The following DTD2 variants were observed in gnomAD, a reference collection of about 807,000 sequenced individuals.
DTD2 encodes D-aminoacyl-tRNA deacylase 2, also known as D-tyrosyl-tRNA deacylase 2 (putative).
A neutral mutation model predicts 15.5 loss-of-function variants in DTD2; 12 were observed. That is an observed-to-expected ratio of 0.77 (90% CI 0.50 to 1.25). DTD2 has a LOEUF of 1.25. Ranked by LOEUF, DTD2 falls within the 50% of genes most tolerant of loss-of-function variation. DTD2 has a pLI of 0.00. For missense variants in DTD2, 170 were observed against 201.1 expected, an observed-to-expected ratio of 0.85 and a Z score of 0.93; for synonymous variants, 59 against 77.3, an observed-to-expected ratio of 0.76 and a Z score of 1.24.
At chr14:31,450,358 C>T (rs140212622) in intron 2 of DTD2, among the ~76,000 whole-genome samples, 2 of 152,320 alleles carry the variant, frequency 1.3e-5, no homozygotes, top group Non-Finnish European at 2.9e-5. Flanking sequence ...AATCAAGTAT[C>T]TCTAATGATG....
At chr14:31,455,720 T>G (rs57603909) in intron 1 of DTD2, among the ~76,000 whole-genome samples, 1 of 151,446 alleles carries the variant, frequency 6.6e-6, no homozygotes, top group East Asian at 2.0e-4. Context: ...TAGCTGGGAT[T>G]ACAGGTGCCC....
At chr14:31,448,487 G>T in intron 2 of DTD2, 33 bp from the exon 3 acceptor site, 1 of 1,533,290 alleles carries the variant, frequency 6.5e-7, no homozygotes, top group Non-Finnish European at 8.8e-7. Flanking sequence ...ACATTTTAAA[G>T]TGAAAAACAA....
chr14:31,454,233 T>A (rs539851847), intron 1 of DTD2, among the ~76,000 whole-genome samples: 7 of 152,284 alleles, frequency 4.6e-5, no homozygotes, highest in African/African-American at 1.7e-4. Flanking sequence ...TATGTAAAAA[T>A]AAATTTAAGG....
Position 31,457,266 on chromosome 14 carries a change from T to C in DTD2, c.111+17A>G, listed in dbSNP as rs28637251. ...CCGCACGCCGGAGGATAACGAGAGC[T>C]GCCGGGCTGACGTTACCTCCACCCA... is the stretch of plus-strand genomic sequence containing the variant. On this transcript the variant is annotated intron_variant, in intron 1 of 2. Coordinates refer to ENST00000310850, the MANE Select transcript of DTD2 (RefSeq NM_080664.3). The C allele has an allele frequency of 1.9e-6, 3 of 1,550,212 alleles. No individual in the cohort carries two copies. The highest frequency in any genetic ancestry group is 2.4e-5 in the South Asian group (2 of 83,620).
rs2139362920 is a variant in DTD2 at position 31,453,283 on chromosome 14, GGAA to G, written c.170_172del (p.Leu57del). The G allele has an allele frequency of 1.9e-6, 3 of 1,613,884 alleles. No individual in the cohort carries two copies. The South Asian group carries it at 3.3e-5, about 18-fold the overall frequency. ...CAAAGTCAAACACATACCCATTTTGGGAAGAAGTTCTTTATCAGCTCCCTTGAA... is the reference window on the plus strand; with the variant it reads ...CAAAGTCAAACACATACCCATTTTGGGAAGTTCTTTATCAGCTCCCTTGAA... On this transcript the variant is annotated inframe_deletion, in exon 2 of 3. Coordinates refer to ENST00000310850, the MANE Select transcript of DTD2 (RefSeq NM_080664.3).
chr14:31,448,215 C>T lies in DTD2; in HGVS notation c.421G>A (p.Val141Ile), dbSNP rs1428360673. ...AANSKCAEARVVVEHGTYGNR... is the reference protein window; with the variant it reads ...AANSKCAEARIVVEHGTYGNR... ...CCATAAGTGCCATGTTCCACTACAA[C>T]CCTAGCTTCAGCACACTTGCTATTA... The change falls in exon 3 of 3, where the codon GTT becomes ATT. Residue 141 changes from valine to isoleucine, a missense_variant. Coordinates refer to ENST00000310850, the MANE Select transcript of DTD2 (RefSeq NM_080664.3). 3.1e-6 allele frequency: 5 copies of T among 1,614,070 alleles called. No individual in the cohort carries two copies. Among genetic ancestry groups the T allele is most frequent in the Admixed American group, 3.3e-5 (2 of 60,000 alleles).
chr14:31,449,796 G>A (rs951758602), intron 2 of DTD2, among the ~76,000 whole-genome samples: 26 of 152,188 alleles, frequency 1.7e-4, no homozygotes, highest in African/African-American at 6.3e-4. Context: ...TAAAAGGCAT[G>A]CTTTCTGTTG....
intron 2 of DTD2, chr14:31,452,712 A>G (rs2032050879): frequency 6.6e-6 from 1 of 152,258 alleles, no homozygotes; most frequent in Non-Finnish European, 1.5e-5. Flanking sequence ...TACTGTCAAA[A>G]GTCTAGAAGA....
chr14:31,446,688 T>A lies in DTD2; in HGVS notation c.*1441A>T, dbSNP rs1220299253. ...CCATCTCCAGATACCATCACATTAA[T>A]AAGGGCTTCAACATATAAATTTTGG... On this transcript the variant is annotated 3_prime_UTR_variant, in exon 3 of 3. Transcript: ENST00000310850. 6.6e-6 allele frequency: 1 copy of A among 152,228 alleles called. No homozygotes were observed. Among genetic ancestry groups the A allele is most frequent in the Non-Finnish European group, 1.5e-5 (1 of 68,046 alleles). 9.4% of individuals were successfully genotyped at this position (152,228 alleles called of 1,614,324 possible). A position where few individuals can be genotyped will look rare whatever the true frequency, so the allele number is the denominator to read the frequency against.
chr14:31,452,440 G>C (rs926290932), intron 2 of DTD2: 1 of 152,222 alleles, frequency 6.6e-6, no homozygotes, highest in Non-Finnish European at 1.5e-5. Flanking sequence ...ACATCAATCT[G>C]TAAGTCACTG....
chr14:31,457,162 T>C, intron 1 of DTD2, 121 bp downstream of exon 1: 1 of 925,990 alleles, frequency 1.1e-6, no homozygotes, highest in Non-Finnish European at 1.6e-6. Flanking sequence ...GCTGACCCGG[T>C]ATCCCCGCGG....
At position 31,448,190 on chromosome 14, in the gene DTD2, C is replaced by G. The variant is rs1215789868; in HGVS notation, c.446G>C (p.Gly149Ala). The G allele has an allele frequency of 6.2e-7, 1 of 1,614,122 alleles. No individual in the cohort carries two copies. The highest frequency in any genetic ancestry group is 1.1e-5 in the South Asian group (1 of 91,068). Residue 149 changes from glycine to alanine, a missense_variant, in exon 3 of 3, where the codon GGG becomes GCG. By Grantham distance (60) the Gly-to-Ala change is moderately conservative. Coordinates refer to ENST00000310850, the MANE Select transcript of DTD2 (RefSeq NM_080664.3). ...ARVVVEHGTY[G>A]NRQVLKLDTN... ...GTCCAGCTTTAACACCTGCCTGTTC[C>G]CATAAGTGCCATGTTCCACTACAAC...
chr14:31,456,115 G>A (rs1250645183), intron 1 of DTD2, among the ~76,000 whole-genome samples: 1 of 152,060 alleles, frequency 6.6e-6, no homozygotes, highest in African/African-American at 2.4e-5. Context: ...TAAGTAGGCG[G>A]GGTGCGGTGG....
intron 1 of DTD2, among the ~76,000 whole-genome samples, chr14:31,455,817 A>G (rs1566797663): frequency 6.6e-6 from 1 of 151,838 alleles, no homozygotes; most frequent in Non-Finnish European, 1.5e-5. Flanking sequence ...CCTGACCTCA[A>G]GTGATCCGCC....
intron 2 of DTD2, 55 bp downstream of exon 2, chr14:31,453,220 T>A: frequency 6.4e-7 from 1 of 1,552,816 alleles, no homozygotes; most frequent in Non-Finnish European, 8.9e-7. Context: ...ATTACAGGTG[T>A]GAGCACCATG....
chr14:31,457,299 G>C lies in DTD2; in HGVS notation c.95C>G (p.Ala32Gly). The C allele has an allele frequency of 6.3e-7, 1 of 1,588,444 alleles. No individual in the cohort carries two copies. The highest frequency in any genetic ancestry group is 8.6e-7 in the Non-Finnish European group (1 of 1,168,562). ...TGACGTTACCTCCACCCACTGGGCC[G>C]CGACGTCCCCATCGGCTGGGCGAAT... is the stretch of plus-strand genomic sequence containing the variant. ...LQIRPADGDVAAQWVEVQRGL... is the reference protein window; with the variant it reads ...LQIRPADGDVGAQWVEVQRGL... Residue 32 changes from alanine (A) to glycine (G), a missense_variant, in exon 1 of 3, where the codon GCG (alanine) becomes GGG (glycine). Transcript: ENST00000310850.
At chr14:31,456,408 TAAATA>T (rs915592922) in intron 1 of DTD2, among the ~76,000 whole-genome samples, 1 of 151,334 alleles carries the variant, frequency 6.6e-6, no homozygotes, top group Non-Finnish European at 1.5e-5. Flanking sequence ...AAAATATAAA[TAAATA>T]AAATATAAAA....
At chr14:31,456,237 A>G (rs2032093257) in intron 1 of DTD2, among the ~76,000 whole-genome samples, 3 of 152,098 alleles carry the variant, frequency 2.0e-5, no homozygotes, top group Admixed American at 6.5e-5. Context: ...TGCTAAAAAT[A>G]CAAGTTAGCG....
Position 31,448,001 on chromosome 14 carries a change from T to C in DTD2, c.*128A>G. On this transcript the variant is annotated 3_prime_UTR_variant, in exon 3 of 3. Coordinates refer to ENST00000310850, the MANE Select transcript of DTD2 (RefSeq NM_080664.3). ...CAATTAGCAGGTGCAGAGTTATATA[T>C]GAAACCCAAGATTTTCCTGTCTAAA... 1 of 819,902 alleles carries C rather than the reference T, an allele frequency of 1.2e-6. No homozygotes were observed. The highest frequency in any genetic ancestry group is 1.9e-6 in the Non-Finnish European group (1 of 529,534). 50.8% of individuals were successfully genotyped at this position (819,902 alleles called of 1,614,324 possible). A position where few individuals can be genotyped will look rare whatever the true frequency, so the allele number is the denominator to read the frequency against.
Sources: allele counts gnomAD v4.1 joint callset (sites outside exome capture counted in the v4.1 genomes callset), GRCh38; gene constraint gnomAD v4.1.1; transcripts MANE v1.5; gene names NCBI Gene and HGNC (gene_info 2026-07-23, HGNC 2026-07-21).